Variants in DYRK4 observed in about 807,000 individuals in gnomAD.
The protein encoded by DYRK4 is dual specificity tyrosine-phosphorylation-regulated kinase 4.
DYRK4 carries 64 observed loss-of-function variants against 68.3 expected under a neutral mutation model. The observed-to-expected ratio is 0.94, with a 90% CI of 0.77 to 1.15. The LOEUF is 1.15. DYRK4 is among the 50% of genes most tolerant of loss of function. The probability of loss-of-function intolerance (pLI) is 0.00; values close to 1 mark genes in which losing one functional copy is unlikely to be tolerated. For synonymous variants in DYRK4, 274 were observed against 289.9 expected, an observed-to-expected ratio of 0.95 and a Z score of 0.56; for missense variants, 740 against 764.7, an observed-to-expected ratio of 0.97 and a Z score of 0.38.
intron 5 of DYRK4, 24 bp from the exon 6 acceptor site, chr12:4,592,978 A>G: frequency 1.2e-6 from 2 of 1,603,372 alleles, no homozygotes; most frequent in Non-Finnish European, 1.7e-6. Flanking sequence ...AACTGAACTC[A>G]CAATTGTAGT....
At chr12:4,563,652 GCT>G (rs1268241943) in intron 1 of DYRK4, among the ~76,000 whole-genome samples, 1 of 152,226 alleles carries the variant, frequency 6.6e-6, no homozygotes, top group Non-Finnish European at 1.5e-5. Flanking sequence ...CACAAGGCAG[GCT>G]CTCTCTGTCA....
intron 1 of DYRK4, among the ~76,000 whole-genome samples, chr12:4,566,802 T>C (rs1944681649): frequency 2.0e-5 from 3 of 152,248 alleles, no homozygotes; most frequent in Admixed American, 6.5e-5. Context: ...ATATTGTCTG[T>C]ATGTGTGTGT....
chr12:4,563,614 T>A (rs1369266845), intron 1 of DYRK4, among the ~76,000 whole-genome samples: 1 of 152,148 alleles, frequency 6.6e-6, no homozygotes, highest in African/African-American at 2.4e-5. Flanking sequence ...TACTTTGAGA[T>A]CACAAAGAAC....
chr12:4,610,319 C>T (rs765160966), intron 13 of DYRK4, 35 bp downstream of exon 13: 1 of 1,498,596 alleles, frequency 6.7e-7, no homozygotes, highest in South Asian at 1.4e-5. Context: ...TTCTGGGTTT[C>T]CTCTTAAATG....
intron 4 of DYRK4, 101 bp downstream of exon 4, chr12:4,590,541 T>C (rs1483104941): frequency 6.8e-7 from 1 of 1,475,080 alleles, no homozygotes; most frequent in African/African-American, 1.4e-5. Context: ...AAAAGCACAG[T>C]AGCTGCTGAA....
chr12:4,573,846 T>A (rs1018627325), intron 2 of DYRK4, among the ~76,000 whole-genome samples: 2 of 152,152 alleles, frequency 1.3e-5, no homozygotes, highest in African/African-American at 4.8e-5. Context: ...GTTGAGTATA[T>A]ATAAAATAAT....
chr12:4,600,479 C>A (rs576434691), intron 10 of DYRK4, among the ~76,000 whole-genome samples: 1 of 150,734 alleles, frequency 6.6e-6, no homozygotes, highest in Non-Finnish European at 1.5e-5. Flanking sequence ...TATACACAGG[C>A]TGTGTTAAAG....
At chr12:4,590,779 C>T (rs1663588388) in intron 4 of DYRK4, 14 of 383,916 alleles carry the variant, frequency 3.6e-5, no homozygotes, top group Middle Eastern at 6.7e-4. Context: ...ATAATAGGTG[C>T]GAAGGTGCCA....
intron 2 of DYRK4, among the ~76,000 whole-genome samples, chr12:4,568,575 G>A (rs1263059885): frequency 6.6e-6 from 1 of 151,996 alleles, no homozygotes; most frequent in African/African-American, 2.4e-5. Flanking sequence ...TAGAGGAGAT[G>A]GGGTTTCTTC....
Position 4,568,003 on chromosome 12 carries a change from C to T in DYRK4, c.87C>T (p.Phe29=). The change falls in exon 2 of 15, where the codon TTC becomes TTT. Residue 29 remains phenylalanine (F), a synonymous_variant. Coordinates refer to ENST00000543431, the MANE Select transcript of DYRK4 (RefSeq NM_001394779.1). Reference sequence around the variant, plus strand: ...CAAGGAAATGTGATTTGACTCCCTTCCTGGTTTTGAAAGCAAGAAAGAAAC... The same window carrying T: ...CAAGGAAATGTGATTTGACTCCCTTTCTGGTTTTGAAAGCAAGAAAGAAAC... ...KKPRKCDLTP[F]LVLKARKKQK... is the part of the protein sequence containing the mutation. 1 of 1,536,134 alleles carries T rather than the reference C, an allele frequency of 6.5e-7. No individual in the cohort carries two copies. The highest frequency in any genetic ancestry group is 8.7e-7 in the Non-Finnish European group (1 of 1,146,916).
rs1944941474 is a variant in DYRK4, at chr12:4,590,456, C to T, written c.324+16C>T. 8 of 1,534,156 alleles carry T rather than the reference C, an allele frequency of 5.2e-6. No homozygotes were observed. In the South Asian group the frequency reaches 9.6e-5, roughly 18 times the overall value. On this transcript the variant is annotated intron_variant, in intron 4 of 14. Transcript: ENST00000543431. ...GCTGTATCAGGTGAGTGCAGACGGA[C>T]TGGACCCTGAGAAGGCAGGTGAAAG...
In DYRK4 at chr12:4,593,143, A is replaced by G. The variant is rs771567729; in HGVS notation, c.605A>G (p.Asp202Gly). Reference protein sequence around the residue: ...PEKFSKTSFDDEHGFYLKVLH... With the variant: ...PEKFSKTSFDGEHGFYLKVLH... ...AAATTTAGCAAGACGAGTTTTGATGATGAGCATGGCTTCTATCTGAAGGTG... is the reference window on the plus strand; with the variant it reads ...AAATTTAGCAAGACGAGTTTTGATGGTGAGCATGGCTTCTATCTGAAGGTG... The change falls in exon 6 of 15, where the codon GAT becomes GGT. Residue 202 changes from aspartate (D) to glycine (G), a missense_variant. Physicochemically the swap from Asp to Gly is moderately conservative, Grantham distance 94 (BLOSUM62 -1). This residue lies in a region of DYRK4 where 614 missense variants were observed against 603.7 expected (regional missense o/e 1.02). Transcript: ENST00000543431. The G allele has an allele frequency of 2.5e-6, 4 of 1,613,778 alleles. No individual in the cohort carries two copies. In the Admixed American group the frequency reaches 5.0e-5, roughly 20 times the overall value.
intron 10 of DYRK4, chr12:4,602,559 C>T (rs1387239308): frequency 2.0e-5 from 26 of 1,269,894 alleles, no homozygotes; most frequent in Non-Finnish European, 2.4e-5. Flanking sequence ...TATAAGCCAA[C>T]GGCTCTCCTG....
intron 2 of DYRK4, among the ~76,000 whole-genome samples, chr12:4,581,950 C>G (rs917565400): frequency 6.6e-6 from 1 of 152,178 alleles, no homozygotes; most frequent in South Asian, 2.1e-4. Context: ...ACACAAAATT[C>G]ATTTATGTTG....
intron 8 of DYRK4, chr12:4,597,317 C>T (rs58057028): frequency 5.7e-5 from 14 of 243,804 alleles, no homozygotes; most frequent in South Asian, 3.1e-4. Context: ...CTAGAAACCC[C>T]GAATGCATTT....
chr12:4,589,540 T>C (rs1944931059), intron 3 of DYRK4, among the ~76,000 whole-genome samples: 1 of 152,224 alleles, frequency 6.6e-6, no homozygotes, highest in South Asian at 2.1e-4. Flanking sequence ...TTAAATTGTT[T>C]GGATTTTTAG....
At chr12:4,579,081 C>G (rs1465677325) in intron 2 of DYRK4, among the ~76,000 whole-genome samples, 1 of 152,086 alleles carries the variant, frequency 6.6e-6, no homozygotes, top group Non-Finnish European at 1.5e-5. Flanking sequence ...TTGAGACCAT[C>G]CTGGCCAACA....
At chr12:4,596,365 T>C (rs113858457) in intron 7 of DYRK4, 80 bp downstream of exon 7, 4 of 1,589,510 alleles carry the variant, frequency 2.5e-6, no homozygotes, top group Middle Eastern at 1.8e-4. Context: ...CCTTCCTGAC[T>C]GTGCCTCTCC....
intron 11 of DYRK4, among the ~76,000 whole-genome samples, chr12:4,606,750 G>A (rs767986659): frequency 1.2e-4 from 19 of 152,230 alleles, no homozygotes; most frequent in Non-Finnish European, 2.5e-4. Context: ...CAAAGGGTCT[G>A]AGGAACAGAA....
Sources: allele counts gnomAD v4.1 joint callset (sites outside exome capture counted in the v4.1 genomes callset), GRCh38; gene constraint gnomAD v4.1.1; regional missense constraint gnomAD v4.1.1; transcripts MANE v1.5; gene names NCBI Gene and HGNC (gene_info 2026-07-23, HGNC 2026-07-21).